The following TEX35 variants were observed in gnomAD, a reference collection of about 807,000 sequenced individuals.
TEX35 encodes the protein testis expressed 35.
In TEX35, 26 loss-of-function variants were observed where a neutral mutation model predicts 31.9. The ratio of observed to expected loss-of-function variants is 0.81; its 90% CI spans 0.60 to 1.13. The LOEUF is 1.13. Among genes scored for constraint, TEX35 ranks in the 50% most tolerant of loss-of-function variants. The pLI is 0.00. For missense variants in TEX35, 278 were observed against 273.5 expected (o/e 1.02, Z -0.12); for synonymous variants, 87 against 90.7 (o/e 0.96, Z 0.23).
intron 3 of TEX35, 117 bp from the exon 4 acceptor site, chr1:178,515,742 C>A: frequency 1.3e-6 from 1 of 762,254 alleles, no homozygotes; most frequent in Admixed American, 2.4e-5. Flanking sequence ...TTCTTTCCTC[C>A]CTATTGAAAG....
At chr1:178,522,006 G>A (rs766314101) in intron 8 of TEX35, 11 of 734,868 alleles carry the variant, frequency 1.5e-5, no homozygotes, top group Admixed American at 3.0e-5. Context: ...GTCTGCAAAC[G>A]TCCCAGGTCA....
intron 4 of TEX35, 163 bp from the exon 5 acceptor site, chr1:178,516,452 C>T (rs1438072922): frequency 1.6e-6 from 1 of 607,008 alleles, no homozygotes; most frequent in Non-Finnish European, 2.9e-6. Flanking sequence ...GCACCCTAGT[C>T]CCTTCACAGA....
Position 178,513,228 on chromosome 1 carries a change from G to T in TEX35, c.39+1G>T, listed in dbSNP as rs1217863171. 2 of 1,614,244 alleles carry T rather than the reference G, an allele frequency of 1.2e-6. No homozygotes were observed. The highest frequency in any genetic ancestry group is 1.7e-6 in the Non-Finnish European group (2 of 1,180,042). ...GGCAGAATTGAAGAAAACACATCTG[G>T]TAAAAGAGAGACATTGCTGGACAGT... is the stretch of plus-strand genomic sequence containing the variant. On this transcript the variant is annotated splice_donor_variant, in intron 1 of 8. Transcript: ENST00000319416. LOFTEE classifies it high-confidence loss of function.
At chr1:178,522,936 C>T (rs570227566), downstream of TEX35, among the ~76,000 whole-genome samples, 155 of 152,244 alleles carry the variant, frequency 1.0e-3, 1 homozygote, top group African/African-American at 3.2e-3. Context: ...CCATCCCTAC[C>T]GGCCCCCAAG....
intron 2 of TEX35, 167 bp downstream of exon 2, chr1:178,514,244 A>T: frequency 6.5e-7 from 1 of 1,532,462 alleles, no homozygotes; most frequent in Non-Finnish European, 8.8e-7. Context: ...GTAACCAATC[A>T]GATACATAAA....
At chr1:178,520,246 A>C in intron 5 of TEX35, 126 bp from the exon 6 acceptor site, 1 of 916,894 alleles carries the variant, frequency 1.1e-6, no homozygotes, top group Non-Finnish European at 1.7e-6. Flanking sequence ...TCCAAAAGCC[A>C]CCTCACCCAA....
chr1:178,514,239 C>T (rs1649986557), intron 2 of TEX35, 162 bp downstream of exon 2: 1 of 1,536,288 alleles, frequency 6.5e-7, no homozygotes. Context: ...ACACTGTAAC[C>T]AATCAGATAC....
intron 4 of TEX35, 73 bp from the exon 5 acceptor site, chr1:178,516,542 C>A: frequency 1.5e-6 from 2 of 1,357,828 alleles, no homozygotes; most frequent in South Asian, 1.2e-5. Flanking sequence ...GCTTAAAATG[C>A]CTGAAAGATG....
chr1:178,513,437 C>T (rs1649947602), intron 1 of TEX35, among the ~76,000 whole-genome samples: 1 of 152,230 alleles, frequency 6.6e-6, no homozygotes, highest in Non-Finnish European at 1.5e-5. Flanking sequence ...TCTGCTGCCT[C>T]CCTCTGGGGA....
chr1:178,515,395 C>T (rs1650039024), intron 3 of TEX35, among the ~76,000 whole-genome samples: 1 of 151,000 alleles, frequency 6.6e-6, no homozygotes, highest in African/African-American at 2.4e-5. Flanking sequence ...CACTGCACCT[C>T]GTCTGGGGAC....
At chr1:178,514,912 C>A in intron 3 of TEX35, 144 bp downstream of exon 3, 2 of 691,662 alleles carry the variant, frequency 2.9e-6, no homozygotes, top group Non-Finnish European at 2.5e-6. Context: ...GAAGTTAACA[C>A]ACAGACAATA....
intron 3 of TEX35, among the ~76,000 whole-genome samples, chr1:178,515,383 G>A (rs1171006601): frequency 2.0e-5 from 3 of 152,144 alleles, no homozygotes; most frequent in Admixed American, 1.3e-4. Flanking sequence ...ACAGGTTTGA[G>A]CCACTGCACC....
At chr1:178,519,763 C>T (rs1650199439) in intron 5 of TEX35, among the ~76,000 whole-genome samples, 1 of 152,162 alleles carries the variant, frequency 6.6e-6, no homozygotes, top group Non-Finnish European at 1.5e-5. Context: ...ATAGCTTCTA[C>T]CATCTTAGAA....
In TEX35 at chr1:178,522,160, C is replaced by T. The variant is rs946731372; in HGVS notation, c.587-165C>T. 1.8e-5 allele frequency: 17 copies of T among 951,566 alleles called. 1 individual carries two copies. Among genetic ancestry groups the T allele is most frequent in the Non-Finnish European group, 2.1e-5 (14 of 663,410 alleles). 58.9% of individuals were successfully genotyped at this position (951,566 alleles called of 1,614,324 possible). A position where few individuals can be genotyped will look rare whatever the true frequency, so the allele number is the denominator to read the frequency against. On this transcript the variant is annotated intron_variant, in intron 8 of 8. Coordinates refer to ENST00000319416, the MANE Select transcript of TEX35 (RefSeq NM_032126.5). ...AGGGTGTCTTGGGTGATGCAGGGAA[C>T]CCCTCAGCCTCGAGTTCTGCCTGCA...
rs1050817274 is a variant in TEX35, at chr1:178,515,905, A to C, written c.206A>C (p.Glu69Ala). 1.2e-6 allele frequency: 2 copies of C among 1,612,492 alleles called. No individual in the cohort carries two copies. Among genetic ancestry groups the C allele is most frequent in the African/African-American group, 1.3e-5 (1 of 75,014 alleles). The change falls in exon 4 of 9, where the codon GAG becomes GCG. Residue 69 changes from glutamate (E) to alanine (A), a missense_variant. By Grantham distance (107) the Glu-to-Ala change is moderately radical. Coordinates refer to ENST00000319416, the MANE Select transcript of TEX35 (RefSeq NM_032126.5). ...VREELKEKME[E>A]IKQIKDLMDK... The stretch of plus-strand genomic sequence containing the variant: ...GAAGAGCTCAAGGAGAAAATGGAGG[A>C]GATAAAACAGGTAAGAAGATGAGGC...
At chr1:178,522,284 A>T in intron 8 of TEX35, 41 bp from the exon 9 acceptor site, 2 of 1,531,654 alleles carry the variant, frequency 1.3e-6, no homozygotes, top group South Asian at 1.2e-5. Flanking sequence ...CACCCTTCTC[A>T]CCCCCTTGAA....
At chr1:178,523,495 A>C, downstream of TEX35, 1 of 465,474 alleles carries the variant, frequency 2.1e-6, no homozygotes, top group Non-Finnish European at 3.8e-6. Context: ...GGTGCTTCAG[A>C]TAAATATTTA....
At chr1:178,522,020 C>A in intron 8 of TEX35, 1 of 695,400 alleles carries the variant, frequency 1.4e-6, no homozygotes, top group African/African-American at 1.8e-5. Flanking sequence ...CAGGTCATAG[C>A]ATGGGGAGGG....
chr1:178,520,921 C>T (rs764908742), intron 7 of TEX35, 47 bp downstream of exon 7: 1 of 1,606,764 alleles, frequency 6.2e-7, no homozygotes, highest in Non-Finnish European at 8.5e-7. Flanking sequence ...AGACCCCTGG[C>T]TCCGGCTCCC....
Sources: gnomAD v4.1 joint callset for allele counts (sites outside exome capture counted in the v4.1 genomes callset) on GRCh38, gnomAD v4.1.1 for gene constraint, MANE v1.5 for transcripts, NCBI Gene and HGNC (gene_info 2026-07-23, HGNC 2026-07-21) for gene names.